The following MON2 variants were observed in gnomAD, a reference collection of about 807,000 sequenced individuals.
The protein encoded by MON2 is protein MON2 homolog.
A neutral mutation model predicts 208.6 loss-of-function variants in MON2; 84 were observed. That is an observed-to-expected ratio of 0.40 (90% CI 0.34 to 0.48). The LOEUF (loss-of-function observed/expected upper bound fraction) is 0.48. Ranked by LOEUF, MON2 falls within the 20% of genes least tolerant of loss-of-function variation. The pLI, the probability that MON2 is intolerant of heterozygous loss-of-function variation, is 0.59. For synonymous variants in MON2, 660 were observed against 694.0 expected (o/e 0.95, Z 0.77); for missense variants, 1,611 against 2,015.4 (o/e 0.80, Z 3.84).
At chr12:62,552,124 G>T (rs530585168) in intron 23 of MON2, among the ~76,000 whole-genome samples, 3 of 152,274 alleles carry the variant, frequency 2.0e-5, no homozygotes, top group South Asian at 4.1e-4. Context: ...GAGGATGTGT[G>T]TAGATTATAT....
At chr12:62,487,485 T>A (rs1392100690) in intron 2 of MON2, among the ~76,000 whole-genome samples, 1 of 152,096 alleles carries the variant, frequency 6.6e-6, no homozygotes, top group Non-Finnish European at 1.5e-5. Flanking sequence ...GCTGTCAGTA[T>A]ACATAAAGAA....
chr12:62,472,538 A>G (rs1252229644), intron 1 of MON2, among the ~76,000 whole-genome samples: 2 of 152,352 alleles, frequency 1.3e-5, no homozygotes, highest in South Asian at 2.1e-4. Context: ...ATTGGCTGGC[A>G]GAGAAAAGCA....
intron 22 of MON2, among the ~76,000 whole-genome samples, chr12:62,548,290 A>G (rs894042030): frequency 6.6e-6 from 1 of 152,160 alleles, no homozygotes; most frequent in African/African-American, 2.4e-5. Flanking sequence ...GGAAAATAGC[A>G]ATCAGGAGTG....
At chr12:62,579,592 G>T (rs970901476) in intron 31 of MON2, among the ~76,000 whole-genome samples, 2 of 151,890 alleles carry the variant, frequency 1.3e-5, no homozygotes, top group African/African-American at 4.8e-5. Flanking sequence ...TGGGCGTGGT[G>T]GTGGGCCCCT....
intron 26 of MON2, among the ~76,000 whole-genome samples, chr12:62,564,659 T>C (rs979098906): frequency 3.9e-5 from 6 of 152,136 alleles, no homozygotes; most frequent in African/African-American, 1.4e-4. Flanking sequence ...ATTAAAATAT[T>C]TTATTTTAAA....
intron 8 of MON2, among the ~76,000 whole-genome samples, chr12:62,519,020 A>T (rs1030143575): frequency 2.0e-5 from 3 of 152,190 alleles, no homozygotes; most frequent in Non-Finnish European, 4.4e-5. Context: ...TGGAAATGGT[A>T]CATCTCCTAG....
chr12:62,480,075 G>A (rs2069320911), intron 1 of MON2, among the ~76,000 whole-genome samples: 1 of 152,118 alleles, frequency 6.6e-6, no homozygotes, highest in Non-Finnish European at 1.5e-5. Flanking sequence ...CATCAACACA[G>A]GGTGCCTATG....
At chr12:62,537,960 T>G (rs1296294945) in intron 16 of MON2, 136 bp from the exon 17 acceptor site, 4 of 739,620 alleles carry the variant, frequency 5.4e-6, no homozygotes, top group Non-Finnish European at 6.5e-6. Context: ...AATTAGTGAT[T>G]TTAGTTTTAG....
chr12:62,528,016 A>G (rs1430178234), intron 11 of MON2, among the ~76,000 whole-genome samples: 1 of 152,120 alleles, frequency 6.6e-6, no homozygotes, highest in Non-Finnish European at 1.5e-5. Flanking sequence ...ATTTCACTTG[A>G]TCTTAATTTT....
In MON2 at chr12:62,468,932, G is replaced by A. The variant is rs145081455; in HGVS notation, c.111+1614G>A. 3.4e-3 allele frequency among the ~76,000 whole-genome samples: 518 copies of A among 151,936 alleles called. 2 individuals carry two copies. The highest frequency in any genetic ancestry group is 0.012 in the African/African-American group (487 of 41,424). ...TGTGGTCTAGCTTGGGAATTTAATTGCCATTTATTACATTTTTTTGTTTTG... is the reference window on the plus strand; with the variant it reads ...TGTGGTCTAGCTTGGGAATTTAATTACCATTTATTACATTTTTTTGTTTTG... On this transcript the variant is annotated intron_variant, in intron 1 of 34. Transcript: ENST00000393630.
rs539676065 is a variant in MON2 at position 62,507,259 on chromosome 12, A to G, written c.790-1027A>G. On this transcript the variant is annotated intron_variant, in intron 7 of 34. Coordinates refer to ENST00000393630, the MANE Select transcript of MON2 (RefSeq NM_015026.3). Reference sequence around the variant, plus strand: ...TCTCCTCAGCTACCTATTTTAAACTATTTGCTTGAGTTTGTATAGCTTGTT... The same window carrying G: ...TCTCCTCAGCTACCTATTTTAAACTGTTTGCTTGAGTTTGTATAGCTTGTT... Among the ~76,000 whole-genome samples, 43 of 148,360 alleles carry G rather than the reference A, an allele frequency of 2.9e-4. No homozygotes were observed. In the South Asian group the frequency reaches 8.9e-3, roughly 31 times the overall value.
chr12:62,589,746 A>T (rs1218276941), intron 34 of MON2, among the ~76,000 whole-genome samples: 4 of 56,024 alleles, frequency 7.1e-5, no homozygotes, highest in African/African-American at 3.6e-4. Flanking sequence ...CCCATCTTTA[A>T]AAAAAAAAAA....
Position 62,597,581 on chromosome 12 carries a change from C to T in MON2, c.*4832C>T, listed in dbSNP as rs549741801. ...AACTAAAAATAAAAAAAAATTGTGA[C>T]TATAACTCCTACTGTCTTTATGAAT... On this transcript the variant is annotated 3_prime_UTR_variant, in exon 35 of 35. Coordinates refer to ENST00000393630, the MANE Select transcript of MON2 (RefSeq NM_015026.3). 11 of 152,158 alleles carry T rather than the reference C, an allele frequency of 7.2e-5. No individual in the cohort carries two copies. Among genetic ancestry groups the T allele is most frequent in the African/African-American group, 2.7e-4 (11 of 41,442 alleles). The allele number at this position is 152,158 out of a possible 1,614,324, so 9.4% of individuals were successfully genotyped here.
In MON2 at chr12:62,594,391, T is replaced by C. The variant is rs1404698231; in HGVS notation, c.*1642T>C. On this transcript the variant is annotated 3_prime_UTR_variant, in exon 35 of 35. Transcript: ENST00000393630. ...TTTTTTATTTACATGAATTACTGAATTTCTATTTTATTATTTCACCTAAAA... is the reference window on the plus strand; with the variant it reads ...TTTTTTATTTACATGAATTACTGAACTTCTATTTTATTATTTCACCTAAAA... 1 of 152,206 alleles carries C rather than the reference T, an allele frequency of 6.6e-6. No homozygotes were observed. The highest frequency in any genetic ancestry group is 2.4e-5 in the African/African-American group (1 of 41,468). The allele number at this position is 152,206 out of a possible 1,614,324, so 9.4% of individuals were successfully genotyped here.
At chr12:62,556,662 A>G (rs1387533104) in intron 25 of MON2, among the ~76,000 whole-genome samples, 1 of 152,122 alleles carries the variant, frequency 6.6e-6, no homozygotes, top group Non-Finnish European at 1.5e-5. Context: ...AGGAAAAGAG[A>G]TGGTGGATGC....
chr12:62,549,646 T>C, intron 22 of MON2, 22 bp from the exon 23 acceptor site: 6 of 1,570,760 alleles, frequency 3.8e-6, no homozygotes, highest in Non-Finnish European at 5.2e-6. Flanking sequence ...AGTGCATCTG[T>C]ATACATTTCT....
chr12:62,545,359 C>T (rs2073435164), intron 21 of MON2, among the ~76,000 whole-genome samples: 1 of 151,390 alleles, frequency 6.6e-6, no homozygotes, highest in African/African-American at 2.4e-5. Flanking sequence ...ACTACCCTTA[C>T]ATGGGGAGAA....
chr12:62,544,497 T>C (rs1181365400), intron 20 of MON2, among the ~76,000 whole-genome samples: 2 of 151,932 alleles, frequency 1.3e-5, no homozygotes, highest in Admixed American at 1.3e-4. Flanking sequence ...ACATGAGCTT[T>C]CCCCCCATTT....
chr12:62,582,306 A>G (rs546651042), intron 32 of MON2, among the ~76,000 whole-genome samples: 3 of 152,332 alleles, frequency 2.0e-5, no homozygotes, highest in South Asian at 4.1e-4. Context: ...AGAAAGGTGC[A>G]TGGACATTCT....
Sources: gnomAD v4.1 joint callset for allele counts (sites outside exome capture counted in the v4.1 genomes callset) on GRCh38, gnomAD v4.1.1 for gene constraint, MANE v1.5 for transcripts, NCBI Gene and HGNC (gene_info 2026-07-23, HGNC 2026-07-21) for gene names.